The following RSL24D1 variants were observed in gnomAD, a reference collection of about 807,000 sequenced individuals.
RSL24D1 encodes the protein ribosomal L24 domain containing 1.
A neutral mutation model predicts 26.2 loss-of-function variants in RSL24D1; 6 were observed. The ratio of observed to expected loss-of-function variants is 0.23; its 90% CI spans 0.13 to 0.45. The LOEUF is 0.45. Among genes scored for constraint, RSL24D1 ranks in the 20% least tolerant of loss-of-function variants. RSL24D1 has a pLI of 0.99. For synonymous variants in RSL24D1, 61 were observed against 59.1 expected (o/e 1.03, Z -0.15); for missense variants, 176 against 202.6 (o/e 0.87, Z 0.80).
chr15:55,190,404 C>T (rs745608781), intron 3 of RSL24D1, among the ~76,000 whole-genome samples: 4 of 148,174 alleles, frequency 2.7e-5, no homozygotes, highest in Non-Finnish European at 6.0e-5. Context: ...AAAAACAAAA[C>T]AAAACAAAAC....
At position 55,182,103 on chromosome 15, in the gene RSL24D1, T is replaced by C. The variant is rs1450888759; in HGVS notation, c.*49A>G. The stretch of plus-strand genomic sequence containing the variant: ...TAAAATAATTTAGCAGTTCCAAGTA[T>C]CCAAAGGGCATTTTCAAATGTACAT... On this transcript the variant is annotated 3_prime_UTR_variant, in exon 6 of 6. Coordinates refer to ENST00000260443, the MANE Select transcript of RSL24D1 (RefSeq NM_016304.3). The C allele has an allele frequency of 1.8e-6, 2 of 1,141,380 alleles. No individual in the cohort carries two copies. Among genetic ancestry groups the C allele is most frequent in the Admixed American group, 1.8e-5 (1 of 54,856 alleles). 70.7% of individuals were successfully genotyped at this position (1,141,380 alleles called of 1,614,324 possible).
chr15:55,190,429 C>A (rs539319570), intron 3 of RSL24D1, among the ~76,000 whole-genome samples: 2 of 151,750 alleles, frequency 1.3e-5, no homozygotes, highest in South Asian at 4.2e-4. Flanking sequence ...AAAACAAGAA[C>A]TAGATATTAT....
intron 2 of RSL24D1, 200 bp downstream of exon 2, chr15:55,192,520 G>C: frequency 2.4e-6 from 1 of 423,408 alleles, no homozygotes; most frequent in Middle Eastern, 3.6e-4. Context: ...TGGTCTGCAA[G>C]AGCTAAAAAT....
chr15:55,190,775 T>A (rs959416279), intron 3 of RSL24D1, among the ~76,000 whole-genome samples, 200 bp downstream of exon 3: 2 of 151,900 alleles, frequency 1.3e-5, no homozygotes, highest in Non-Finnish European at 2.9e-5. Flanking sequence ...TATTTTAAAA[T>A]GAACACACCA....
chr15:55,191,699 T>C (rs1321416802), intron 2 of RSL24D1, among the ~76,000 whole-genome samples: 1 of 152,170 alleles, frequency 6.6e-6, no homozygotes, highest in Non-Finnish European at 1.5e-5. Context: ...ACAAAACAAT[T>C]TTGGAAAAGC....
At chr15:55,192,958 A>G in intron 1 of RSL24D1, 125 bp from the exon 2 acceptor site, 1 of 607,546 alleles carries the variant, frequency 1.6e-6, no homozygotes, top group East Asian at 2.8e-5. Context: ...TGTGTAAGAT[A>G]TATCAGATTA....
At chr15:55,191,557 T>C (rs1894298260) in intron 2 of RSL24D1, among the ~76,000 whole-genome samples, 1 of 152,178 alleles carries the variant, frequency 6.6e-6, no homozygotes, top group African/African-American at 2.4e-5. Context: ...TATATATATC[T>C]TCAAATAAAT....
intron 2 of RSL24D1, among the ~76,000 whole-genome samples, chr15:55,191,342 C>T: frequency 6.6e-6 from 1 of 152,154 alleles, no homozygotes; most frequent in African/African-American, 2.4e-5. Context: ...AAAACCTTCC[C>T]AATGTCCCAT....
chr15:55,189,443 A>C (rs1056596439), intron 3 of RSL24D1, among the ~76,000 whole-genome samples: 1 of 152,186 alleles, frequency 6.6e-6, no homozygotes, highest in Admixed American at 6.5e-5. Flanking sequence ...GGAGACCCAA[A>C]GGGTACAATA....
chr15:55,196,686 C>G, intron 1 of RSL24D1, 124 bp downstream of exon 1: 1 of 878,558 alleles, frequency 1.1e-6, no homozygotes, highest in Non-Finnish European at 1.8e-6. Flanking sequence ...AGCCACCCTC[C>G]CAGGGGAACA....
rs11540369 is a variant in RSL24D1 at position 55,182,078 on chromosome 15, T to A, written c.*74A>T. The A allele has an allele frequency of 1.1e-6, 1 of 880,152 alleles. No homozygotes were observed. The highest frequency in any genetic ancestry group is 1.5e-5 in the South Asian group (1 of 67,802). The allele number at this position is 880,152 out of a possible 1,614,324, so 54.5% of individuals were successfully genotyped here. A position where few individuals can be genotyped will look rare whatever the true frequency, so the allele number is the denominator to read the frequency against. ...CATTTAAGTGACCTTATGTAAAAAA[T>A]AAAATAATTTAGCAGTTCCAAGTAT... On this transcript the variant is annotated 3_prime_UTR_variant, in exon 6 of 6. Transcript: ENST00000260443.
chr15:55,183,241 G>C (rs940541443), intron 5 of RSL24D1, 74 bp downstream of exon 5: 4 of 1,047,314 alleles, frequency 3.8e-6, no homozygotes, highest in Admixed American at 4.6e-5. Context: ...ATATTTATAG[G>C]AAAAAATACC....
chr15:55,180,930 AC>A lies in RSL24D1; in HGVS notation c.*1221del, dbSNP rs1894159229. The A allele has an allele frequency of 6.6e-6, 1 of 152,192 alleles. No individual in the cohort carries two copies. The highest frequency in any genetic ancestry group is 1.5e-5 in the Non-Finnish European group (1 of 68,020). The allele number at this position is 152,192 out of a possible 1,614,324, so 9.4% of individuals were successfully genotyped here. On this transcript the variant is annotated 3_prime_UTR_variant, in exon 6 of 6. Coordinates refer to ENST00000260443, the MANE Select transcript of RSL24D1 (RefSeq NM_016304.3). ...TAATCTTCAATCAATAATATTATTT[AC>A]AAATAAGAATACCCAGGCAAAACCA...
At chr15:55,188,195 A>G (rs1002488795) in intron 3 of RSL24D1, among the ~76,000 whole-genome samples, 3 of 152,234 alleles carry the variant, frequency 2.0e-5, no homozygotes, top group Non-Finnish European at 2.9e-5. Context: ...GTGGAGAATC[A>G]ATGAATCTCT....
Position 55,188,301 on chromosome 15 carries a change from A to G in RSL24D1, c.268+2674T>C, listed in dbSNP as rs376060028. Among the ~76,000 whole-genome samples, 7 of 152,368 alleles carry G rather than the reference A, an allele frequency of 4.6e-5. No individual in the cohort carries two copies. In the South Asian group the frequency reaches 1.4e-3, roughly 32 times the overall value. ...ACAATCTTAAATTCCAAAGACTCTC[A>G]TACTATTTACCTAGCACTCATACTG... On this transcript the variant is annotated intron_variant, in intron 3 of 5. Transcript: ENST00000260443.
intron 1 of RSL24D1, among the ~76,000 whole-genome samples, chr15:55,195,901 T>C (rs1047050348): frequency 3.3e-5 from 5 of 152,204 alleles, no homozygotes; most frequent in African/African-American, 1.2e-4. Flanking sequence ...TACAGATTCT[T>C]AGACCCTCTT....
In RSL24D1 at chr15:55,196,833, T is replaced by C. The variant is rs761988262; in HGVS notation, c.58A>G (p.Met20Val). ...ACCTTGCAATCGTTGCGGACGAACATCATGCCGTGTCCAGGATAGATGGGC... is the reference window on the plus strand; with the variant it reads ...ACCTTGCAATCGTTGCGGACGAACACCATGCCGTGTCCAGGATAGATGGGC... Reference protein sequence around the residue: ...SGPIYPGHGMMFVRNDCKVFR... With the variant: ...SGPIYPGHGMVFVRNDCKVFR... The change falls in exon 1 of 6, where the codon ATG (methionine) becomes GTG (valine). Residue 20 changes from methionine (M) to valine (V), a missense_variant. This residue lies in a region of RSL24D1 where 44 missense variants were observed against 28.8 expected (regional missense o/e 1.53). Transcript: ENST00000260443. 1.2e-6 allele frequency: 2 copies of C among 1,614,130 alleles called. No individual in the cohort carries two copies. Among genetic ancestry groups the C allele is most frequent in the Non-Finnish European group, 1.7e-6 (2 of 1,180,020 alleles).
chr15:55,184,252 C>T (rs1408547874), intron 4 of RSL24D1, among the ~76,000 whole-genome samples: 1 of 151,844 alleles, frequency 6.6e-6, no homozygotes, highest in South Asian at 2.1e-4. Context: ...CATGAATGCA[C>T]TCAAAGAATG....
At chr15:55,183,221 A>G in intron 5 of RSL24D1, 94 bp downstream of exon 5, 1 of 815,522 alleles carries the variant, frequency 1.2e-6, no homozygotes. Flanking sequence ...TAAATTTACT[A>G]TGAAAGATAA....
Sources: gnomAD v4.1 joint callset for allele counts (sites outside exome capture counted in the v4.1 genomes callset) on GRCh38, gnomAD v4.1.1 for gene constraint, gnomAD v4.1.1 regional missense constraint, MANE v1.5 for transcripts, NCBI Gene and HGNC (gene_info 2026-07-23, HGNC 2026-07-21) for gene names.